NLGN1: variants seen among roughly 807,000 people sequenced by gnomAD.
The protein encoded by NLGN1 is neuroligin-1.
Under a neutral mutation model 65.5 loss-of-function variants are expected in NLGN1, and 12 were observed. The observed-to-expected ratio is 0.18, with a 90% CI of 0.12 to 0.30. The LOEUF (loss-of-function observed/expected upper bound fraction) is 0.30, where lower values mean the gene tolerates loss of function less well. Ranked by LOEUF, NLGN1 falls within the 10% of genes least tolerant of loss-of-function variation. The probability of loss-of-function intolerance (pLI) is 1.00; values close to 1 mark genes in which losing one functional copy is unlikely to be tolerated. For synonymous variants in NLGN1, 350 were observed against 359.5 expected, an observed-to-expected ratio of 0.97 and a Z score of 0.30; for missense variants, 750 against 1,007.1, an observed-to-expected ratio of 0.74 and a Z score of 3.46.
chr3:173,563,833 G>A (rs539727658), intron 2 of NLGN1, among the ~76,000 whole-genome samples: 1 of 152,170 alleles, frequency 6.6e-6, no homozygotes, highest in South Asian at 2.1e-4. Context: ...CAGGCTTCTT[G>A]CTCGTCTTCC....
At chr3:173,697,200 A>G (rs1766350498) in intron 3 of NLGN1, among the ~76,000 whole-genome samples, 1 of 152,248 alleles carries the variant, frequency 6.6e-6, no homozygotes, top group African/African-American at 2.4e-5. Context: ...CATTGCATAG[A>G]TACTCATAAA....
intron 2 of NLGN1, among the ~76,000 whole-genome samples, chr3:173,559,122 T>A (rs1742218533): frequency 6.6e-6 from 1 of 152,232 alleles, no homozygotes; most frequent in South Asian, 2.1e-4. Flanking sequence ...AAGTTTCAGA[T>A]ATTTGGTTTA....
At chr3:173,871,033 C>T (rs952232786) in intron 4 of NLGN1, among the ~76,000 whole-genome samples, 1 of 152,116 alleles carries the variant, frequency 6.6e-6, no homozygotes, top group Admixed American at 6.5e-5. Context: ...CCCCACTATC[C>T]GATTCTCCAG....
chr3:173,844,866 C>T (rs146516417), intron 4 of NLGN1, among the ~76,000 whole-genome samples: 216 of 152,236 alleles, frequency 1.4e-3, no homozygotes, highest in African/African-American at 4.8e-3. Flanking sequence ...ACATTTAAGG[C>T]GGTTCATAGT....
intron 2 of NLGN1, among the ~76,000 whole-genome samples, chr3:173,498,516 G>A (rs1322520356): frequency 3.3e-5 from 5 of 151,708 alleles, no homozygotes; most frequent in East Asian, 3.9e-4. Context: ...ATAAACATAC[G>A]TGTGCATGTG....
intron 2 of NLGN1, among the ~76,000 whole-genome samples, chr3:173,464,258 T>C (rs1723895223): frequency 6.6e-6 from 1 of 152,154 alleles, no homozygotes; most frequent in South Asian, 2.1e-4. Flanking sequence ...ACTCTAATTT[T>C]ATAGATGTGG....
intron 2 of NLGN1, among the ~76,000 whole-genome samples, chr3:173,576,391 C>T (rs1745508247): frequency 6.6e-6 from 1 of 152,110 alleles, no homozygotes; most frequent in Non-Finnish European, 1.5e-5. Flanking sequence ...AATTTATTAT[C>T]TTACAGTTTA....
chr3:173,836,441 A>G (rs1723649650), intron 4 of NLGN1, among the ~76,000 whole-genome samples: 1 of 152,128 alleles, frequency 6.6e-6, no homozygotes, highest in South Asian at 2.1e-4. Flanking sequence ...TAGTTTATTG[A>G]TTTATGGACC....
At chr3:173,621,407 G>A (rs142321501) in intron 3 of NLGN1, among the ~76,000 whole-genome samples, 2 of 152,178 alleles carry the variant, frequency 1.3e-5, no homozygotes, top group African/African-American at 4.8e-5. Context: ...GTTGATTAGA[G>A]CACATAAAAT....
intron 2 of NLGN1, among the ~76,000 whole-genome samples, chr3:173,508,676 T>A (rs986510083): frequency 1.3e-5 from 2 of 152,108 alleles, no homozygotes; most frequent in African/African-American, 4.8e-5. Context: ...TGTGGGTCAT[T>A]TGCCAGTTTC....
intron 4 of NLGN1, among the ~76,000 whole-genome samples, chr3:174,260,001 A>G (rs1746558435): frequency 6.6e-6 from 1 of 152,066 alleles, no homozygotes. Context: ...ATGTCCCTAC[A>G]AAGGACAAGA....
At chr3:173,400,594 T>G (rs1717492014) in intron 1 of NLGN1, among the ~76,000 whole-genome samples, 1 of 152,126 alleles carries the variant, frequency 6.6e-6, no homozygotes. Context: ...CAGAAAAACA[T>G]TTTAGTTCCT....
At chr3:173,412,873 T>C (rs1712883950) in intron 1 of NLGN1, among the ~76,000 whole-genome samples, 1 of 152,192 alleles carries the variant, frequency 6.6e-6, no homozygotes, top group Admixed American at 6.5e-5. Context: ...TTTGGCCTGA[T>C]TGTGATAAGG....
chr3:173,417,165 G>T (rs1215049323), intron 1 of NLGN1, among the ~76,000 whole-genome samples: 1 of 151,674 alleles, frequency 6.6e-6, no homozygotes, highest in East Asian at 1.9e-4. Context: ...ATGTCTCAAG[G>T]TAATATCTAT....
chr3:173,670,279 T>C (rs1762279743), intron 3 of NLGN1, among the ~76,000 whole-genome samples: 1 of 152,194 alleles, frequency 6.6e-6, no homozygotes, highest in African/African-American at 2.4e-5. Flanking sequence ...TCCATTTTTA[T>C]TTTAACTATT....
chr3:174,228,255 A>G (rs916704589), intron 4 of NLGN1, among the ~76,000 whole-genome samples: 2 of 152,090 alleles, frequency 1.3e-5, no homozygotes, highest in African/African-American at 4.8e-5. Context: ...ACTTTTTTCC[A>G]GTGACTGCTC....
intron 2 of NLGN1, among the ~76,000 whole-genome samples, chr3:173,575,679 T>A (rs542026913): frequency 1.3e-5 from 2 of 152,336 alleles, no homozygotes; most frequent in East Asian, 3.9e-4. Flanking sequence ...AATTTCTTTC[T>A]ATTATTGCTG....
intron 1 of NLGN1, among the ~76,000 whole-genome samples, chr3:173,421,238 T>C (rs1258352527): frequency 6.6e-6 from 1 of 152,064 alleles, no homozygotes; most frequent in African/African-American, 2.4e-5. Context: ...AGAAAAGTTA[T>C]TTATTTGGAT....
chr3:173,463,980 A>G (rs948412153), intron 2 of NLGN1, among the ~76,000 whole-genome samples: 4 of 152,038 alleles, frequency 2.6e-5, no homozygotes, highest in Non-Finnish European at 5.9e-5. Flanking sequence ...GTAAATATCC[A>G]TAGAGATATT....
Sources: allele counts gnomAD v4.1 joint callset (sites outside exome capture counted in the v4.1 genomes callset), GRCh38; gene constraint gnomAD v4.1.1; transcripts MANE v1.5; gene names NCBI Gene and HGNC (gene_info 2026-07-23, HGNC 2026-07-21).